The following RBBP9 variants were observed in gnomAD, a reference collection of about 807,000 sequenced individuals.
RBBP9 encodes serine hydrolase RBBP9.
A neutral mutation model predicts 24.2 loss-of-function variants in RBBP9; 20 were observed. That is an observed-to-expected ratio of 0.83 (90% CI 0.58 to 1.20). The LOEUF (loss-of-function observed/expected upper bound fraction) is 1.20. RBBP9 is among the 50% of genes most tolerant of loss of function. RBBP9 has a pLI of 0.00. For missense variants in RBBP9, 234 were observed against 233.6 expected (o/e 1.00, Z -0.01); for synonymous variants, 74 against 84.6 (o/e 0.87, Z 0.69).
rs778779991 is a variant in RBBP9, at chr20:18,488,210, G to A, written c.*1554C>T. 1.3e-4 allele frequency: 20 copies of A among 151,992 alleles called. No individual in the cohort carries two copies. Among genetic ancestry groups the A allele is most frequent in the East Asian group, 5.8e-4 (3 of 5,174 alleles). 9.4% of individuals were successfully genotyped at this position (151,992 alleles called of 1,614,324 possible). On this transcript the variant is annotated 3_prime_UTR_variant, in exon 5 of 5. Coordinates refer to ENST00000337227, the MANE Select transcript of RBBP9 (RefSeq NM_006606.3). The stretch of plus-strand genomic sequence containing the variant: ...GAAATTATTTGAAGGAACACATAGC[G>A]ATCATAATAGCCAAAAAATGTTGGG...
In RBBP9 at chr20:18,489,687, A is replaced by G; in HGVS notation, c.*77T>C. 7.4e-6 allele frequency: 7 copies of G among 940,616 alleles called. No individual in the cohort carries two copies. The highest frequency in any genetic ancestry group is 1.1e-5 in the Non-Finnish European group (7 of 611,450). The allele number at this position is 940,616 out of a possible 1,614,324, so 58.3% of individuals were successfully genotyped here. A position where few individuals can be genotyped will look rare whatever the true frequency, so the allele number is the denominator to read the frequency against. ...CTTACGGAACTTAACTGGATGTTCT[A>G]TGTGTCTAGTAATCAGCTGATAGTA... is the stretch of plus-strand genomic sequence containing the variant. On this transcript the variant is annotated 3_prime_UTR_variant, in exon 5 of 5. Transcript: ENST00000337227.
chr20:18,495,459 G>T (rs1042310053), intron 2 of RBBP9, among the ~76,000 whole-genome samples: 3 of 151,290 alleles, frequency 2.0e-5, no homozygotes, highest in Non-Finnish European at 3.0e-5. Context: ...GCGGAAGGCC[G>T]CAGGGTCCTC....
At chr20:18,497,009 C>A in intron 1 of RBBP9, 60 bp downstream of exon 1, 1 of 1,431,062 alleles carries the variant, frequency 7.0e-7, no homozygotes, top group South Asian at 1.2e-5. Context: ...AGCCCTCAGT[C>A]CTCTCCCGCC....
chr20:18,490,192 C>A (rs2059860196), intron 4 of RBBP9, among the ~76,000 whole-genome samples: 2 of 152,174 alleles, frequency 1.3e-5, no homozygotes, highest in South Asian at 4.1e-4. Context: ...CAACTAAAAC[C>A]AGGCCTCTAG....
At position 18,489,300 on chromosome 20, in the gene RBBP9, G is replaced by A. The variant is rs993745702; in HGVS notation, c.*464C>T. On this transcript the variant is annotated 3_prime_UTR_variant, in exon 5 of 5. Transcript: ENST00000337227. ...GGCCCTAGTCTGAGTTTAATGTCTG[G>A]GGCCAGCTTGAAACAGCAGCTAGTA... The A allele has an allele frequency of 6.5e-6, 1 of 153,016 alleles. No homozygotes were observed. Among genetic ancestry groups the A allele is most frequent in the African/African-American group, 2.4e-5 (1 of 41,426 alleles). 9.5% of individuals were successfully genotyped at this position (153,016 alleles called of 1,614,324 possible). A position where few individuals can be genotyped will look rare whatever the true frequency, so the allele number is the denominator to read the frequency against.
chr20:18,487,277 ATCTT>A lies in RBBP9; in HGVS notation c.*2483_*2486del, dbSNP rs1385939145. On this transcript the variant is annotated 3_prime_UTR_variant, in exon 5 of 5. Coordinates refer to ENST00000337227, the MANE Select transcript of RBBP9 (RefSeq NM_006606.3). ...CAAAGTTCAACAATCCTATAGGTCT[ATCTT>A]AATTACTTTTATAGGAATGAAGAGT... 1 of 152,216 alleles carries A rather than the reference ATCTT, an allele frequency of 6.6e-6. No homozygotes were observed. The highest frequency in any genetic ancestry group is 2.4e-5 in the African/African-American group (1 of 41,460). 9.4% of individuals were successfully genotyped at this position (152,216 alleles called of 1,614,324 possible). A position where few individuals can be genotyped will look rare whatever the true frequency, so the allele number is the denominator to read the frequency against.
intron 1 of RBBP9, 39 bp from the exon 2 acceptor site, chr20:18,495,919 C>A (rs1476784576): frequency 1.4e-6 from 2 of 1,432,628 alleles, no homozygotes; most frequent in East Asian, 2.5e-5. Context: ...TAATAAAGAG[C>A]TTAATTACAA....
chr20:18,490,553 A>G (rs1213610241), intron 3 of RBBP9, 73 bp from the exon 4 acceptor site: 1 of 1,144,890 alleles, frequency 8.7e-7, no homozygotes, highest in Non-Finnish European at 1.3e-6. Context: ...TAAACTACTT[A>G]AAAACTCATT....
chr20:18,496,612 T>C (rs768522673), intron 1 of RBBP9, among the ~76,000 whole-genome samples: 5 of 152,208 alleles, frequency 3.3e-5, no homozygotes, highest in African/African-American at 4.8e-5. Context: ...AGATGATGTA[T>C]AGGCAATGTC....
intron 2 of RBBP9, among the ~76,000 whole-genome samples, chr20:18,495,178 G>A (rs1053950538): frequency 6.7e-6 from 1 of 148,768 alleles, no homozygotes; most frequent in African/African-American, 2.5e-5. Context: ...TTGAGAAATC[G>A]GATGGTTGCC....
Position 18,489,915 on chromosome 20 carries a change from T to C in RBBP9, c.410A>G (p.Asp137Gly). The change falls in exon 5 of 5, where the codon GAC becomes GGC. Residue 137 changes from aspartate (D) to glycine (G), a missense_variant. Physicochemically the swap from Asp to Gly is moderately conservative, Grantham distance 94. Coordinates refer to ENST00000337227, the MANE Select transcript of RBBP9 (RefSeq NM_006606.3). ...CPYIVQFGSTDDPFLPWKEQQ... is the reference protein window; with the variant it reads ...CPYIVQFGSTGDPFLPWKEQQ... ...TTCCTTCCAGGGAAGGAACGGGTCGTCAGTAGAGCCAAACTGCACAATGTA... is the reference window on the plus strand; with the variant it reads ...TTCCTTCCAGGGAAGGAACGGGTCGCCAGTAGAGCCAAACTGCACAATGTA... 1 of 1,613,864 alleles carries C rather than the reference T, an allele frequency of 6.2e-7. No homozygotes were observed. Among genetic ancestry groups the C allele is most frequent in the Non-Finnish European group, 8.5e-7 (1 of 1,179,904 alleles).
rs1376796801 is a variant in RBBP9 at position 18,489,077 on chromosome 20, T to C, written c.*687A>G. 6.6e-6 allele frequency: 1 copy of C among 152,130 alleles called. No individual in the cohort carries two copies. Among genetic ancestry groups the C allele is most frequent in the Non-Finnish European group, 1.5e-5 (1 of 68,016 alleles). 9.4% of individuals were successfully genotyped at this position (152,130 alleles called of 1,614,324 possible). A position where few individuals can be genotyped will look rare whatever the true frequency, so the allele number is the denominator to read the frequency against. On this transcript the variant is annotated 3_prime_UTR_variant, in exon 5 of 5. Coordinates refer to ENST00000337227, the MANE Select transcript of RBBP9 (RefSeq NM_006606.3). ...GGCAACACTCTGCCCCATTTCCACATGGCAACAATTTAGACAGGCCATGAG... is the reference window on the plus strand; with the variant it reads ...GGCAACACTCTGCCCCATTTCCACACGGCAACAATTTAGACAGGCCATGAG...
rs1021655323 is a variant in RBBP9, at chr20:18,486,581, A to G, written c.*3183T>C. 4 of 152,158 alleles carry G rather than the reference A, an allele frequency of 2.6e-5. No homozygotes were observed. The highest frequency in any genetic ancestry group is 4.1e-4 in the South Asian group (2 of 4,834). The allele number at this position is 152,158 out of a possible 1,614,324, so 9.4% of individuals were successfully genotyped here. Reference sequence around the variant, plus strand: ...GTTTTTAATTCTGAAAATTAACTGAAGGAGACAAGAGACAATTTAAAATTA... The same window carrying G: ...GTTTTTAATTCTGAAAATTAACTGAGGGAGACAAGAGACAATTTAAAATTA... On this transcript the variant is annotated 3_prime_UTR_variant, in exon 5 of 5. Transcript: ENST00000337227.
At position 18,490,478 on chromosome 20, in the gene RBBP9, T is replaced by C. The variant is rs774141529; in HGVS notation, c.251A>G (p.Tyr84Cys). The C allele has an allele frequency of 2.5e-6, 4 of 1,608,058 alleles. No individual in the cohort carries two copies. Among genetic ancestry groups the C allele is most frequent in the Non-Finnish European group, 8.5e-7 (1 of 1,174,920 alleles). ...AGCATATACTCGATGTGTTTCTGCATACCTGGAGAAACAAAAATGATGTCA... is the reference window on the plus strand; with the variant it reads ...AGCATATACTCGATGTGTTTCTGCACACCTGGAGAAACAAAAATGATGTCA... ...HSSGAIAAMR[Y>C]AETHRVYAIV... Residue 84 changes from tyrosine to cysteine, a missense_variant and splice_region_variant, in exon 4 of 5, where the codon TAT (tyrosine) becomes TGT (cysteine). Transcript: ENST00000337227.
intron 3 of RBBP9, 52 bp downstream of exon 3, chr20:18,493,902 TCAAG>T: frequency 7.4e-7 from 1 of 1,358,614 alleles, no homozygotes; most frequent in Non-Finnish European, 1.0e-6. Context: ...AAGGTATTTC[TCAAG>T]CAAGCATGAC....
intron 2 of RBBP9, among the ~76,000 whole-genome samples, chr20:18,494,796 T>A (rs1397399941): frequency 5.3e-5 from 8 of 152,178 alleles, no homozygotes; most frequent in Admixed American, 5.2e-4. Flanking sequence ...AGTAGCAATA[T>A]GACATTTTTA....
intron 4 of RBBP9, 65 bp downstream of exon 4, chr20:18,490,330 C>T: frequency 1.5e-6 from 2 of 1,312,206 alleles, no homozygotes; most frequent in Admixed American, 1.7e-5. Context: ...ACTGTTTTTA[C>T]AACCTAAACA....
At chr20:18,497,029 T>A in intron 1 of RBBP9, 40 bp downstream of exon 1, 3 of 1,559,400 alleles carry the variant, frequency 1.9e-6, no homozygotes, top group Non-Finnish European at 2.7e-6. Flanking sequence ...CGTCCCTCCC[T>A]CCAGGCTGAC....
intron 1 of RBBP9, among the ~76,000 whole-genome samples, chr20:18,496,266 G>C (rs2059886458): frequency 6.6e-6 from 1 of 152,212 alleles, no homozygotes; most frequent in Non-Finnish European, 1.5e-5. Flanking sequence ...ACTCTCAGAA[G>C]CTCCAGCCCT....
Sources: gnomAD v4.1 joint callset for allele counts (sites outside exome capture counted in the v4.1 genomes callset) on GRCh38, gnomAD v4.1.1 for gene constraint, MANE v1.5 for transcripts, NCBI Gene and HGNC (gene_info 2026-07-23, HGNC 2026-07-21) for gene names.